RYR2: variants seen among roughly 807,000 people sequenced by gnomAD.
RYR2 encodes the protein cardiac muscle ryanodine receptor-calcium release channel.
A neutral mutation model predicts 601.1 loss-of-function variants in RYR2; 227 were observed. The observed-to-expected ratio is 0.38, with a 90% CI of 0.34 to 0.42. RYR2 has a LOEUF of 0.42. Among genes scored for constraint, RYR2 ranks in the 10% least tolerant of loss-of-function variants. The pLI is 1.00. For missense variants in RYR2, 4,646 were observed against 6,156.5 expected, an observed-to-expected ratio of 0.75 and a Z score of 8.21; for synonymous variants, 2,223 against 2,175.1, an observed-to-expected ratio of 1.02 and a Z score of -0.61.
At chr1:237,772,555 A>T (rs953721359) in intron 86 of RYR2, among the ~76,000 whole-genome samples, 2 of 152,102 alleles carry the variant, frequency 1.3e-5, no homozygotes, top group Non-Finnish European at 2.9e-5. Context: ...TTTTCACACC[A>T]CATTGCTTAA....
intron 17 of RYR2, among the ~76,000 whole-genome samples, chr1:237,474,230 C>T (rs1289137766): frequency 1.4e-5 from 1 of 69,146 alleles, no homozygotes; most frequent in Admixed American, 1.7e-4. Context: ...TAGATCTATA[C>T]ATATATATGT....
At chr1:237,148,302 A>G (rs375477719) in intron 1 of RYR2, among the ~76,000 whole-genome samples, 55 of 152,048 alleles carry the variant, frequency 3.6e-4, no homozygotes, top group African/African-American at 1.3e-3. Flanking sequence ...GGAGTTGAAC[A>G]ATGAGAACAC....
At chr1:237,696,909 C>T (rs1017295046) in intron 63 of RYR2, among the ~76,000 whole-genome samples, 2 of 152,128 alleles carry the variant, frequency 1.3e-5, no homozygotes, top group Non-Finnish European at 2.9e-5. Context: ...TAATTATCTT[C>T]CACTTTTGCT....
chr1:237,042,340 G>C lies in RYR2; in HGVS notation c.-182G>C. On this transcript the variant is annotated 5_prime_UTR_variant, in exon 1 of 105. Transcript: ENST00000366574. ...CCCCGCGCCTCGACCACCCGCGCCC[G>C]AGCGTCCGCGCCTCCTCCTCCGCTC... 2.5e-6 allele frequency: 1 copy of C among 407,172 alleles called. No homozygotes were observed. Among genetic ancestry groups the C allele is most frequent in the East Asian group, 6.2e-5 (1 of 16,168 alleles). The allele number at this position is 407,172 out of a possible 1,614,324, so 25.2% of individuals were successfully genotyped here.
At chr1:237,356,058 A>G in intron 4 of RYR2, 73 bp downstream of exon 4, 2 of 1,394,156 alleles carry the variant, frequency 1.4e-6, no homozygotes, top group South Asian at 1.2e-5. Flanking sequence ...CTAATCTTTC[A>G]TTTTGCTTCC....
At chr1:237,377,237 A>T in intron 7 of RYR2, 86 bp from the exon 8 acceptor site, 1 of 874,098 alleles carries the variant, frequency 1.1e-6, no homozygotes, top group Non-Finnish European at 1.7e-6. Context: ...GATTTCTGAA[A>T]GTTGTGTGTT....
chr1:237,153,652 C>CT (rs111780275), intron 1 of RYR2, among the ~76,000 whole-genome samples: 15,955 of 118,400 alleles, frequency 0.13, 922 homozygotes, highest in South Asian at 0.17. Flanking sequence ...ATCAATAAAT[C>CT]TTTTTTTTTT....
rs1223958670 is a variant in RYR2 at position 237,180,979 on chromosome 1, AT to A, written c.49-89516del. ...TTTATCCAATATGCTAAGCACTTTT[AT>A]TATTTATTTGTTTATTTTTTTAAGA... On this transcript the variant is annotated intron_variant, in intron 1 of 104. Coordinates refer to ENST00000366574, the MANE Select transcript of RYR2 (RefSeq NM_001035.3). The surrounding 1 kb of genome is among the most constrained non-coding windows in gnomAD (Gnocchi z 5.3). 6.6e-6 allele frequency among the ~76,000 whole-genome samples: 1 copy of A among 151,588 alleles called. No individual in the cohort carries two copies. Among genetic ancestry groups the A allele is most frequent in the East Asian group, 1.9e-4 (1 of 5,186 alleles).
At chr1:237,232,775 G>T (rs1558468587) in intron 1 of RYR2, among the ~76,000 whole-genome samples, 1 of 152,146 alleles carries the variant, frequency 6.6e-6, no homozygotes, top group East Asian at 1.9e-4. Context: ...TGAATAGGAG[G>T]ACAACCAGCT....
At chr1:237,638,970 C>G (rs753468447) in intron 45 of RYR2, 45 bp from the exon 46 acceptor site, 1 of 1,591,626 alleles carries the variant, frequency 6.3e-7, no homozygotes. Context: ...TTCAGAACTT[C>G]CATATAATCA....
chr1:237,715,300 G>A (rs1203420336), intron 71 of RYR2, among the ~76,000 whole-genome samples: 2 of 152,136 alleles, frequency 1.3e-5, no homozygotes, highest in African/African-American at 2.4e-5. Flanking sequence ...GAGGAAATAG[G>A]CACTAAACAA....
chr1:237,205,469 A>G (rs929554465), intron 1 of RYR2, among the ~76,000 whole-genome samples: 3 of 152,160 alleles, frequency 2.0e-5, no homozygotes, highest in African/African-American at 4.8e-5. Flanking sequence ...CCGAGCCTGC[A>G]GTGCCATGGT....
chr1:237,276,260 T>C (rs1690277142), intron 2 of RYR2, among the ~76,000 whole-genome samples: 1 of 152,088 alleles, frequency 6.6e-6, no homozygotes, highest in African/African-American at 2.4e-5. Context: ...CCACCATGCC[T>C]GGCTAATTTT....
At chr1:237,616,327 C>A (rs542989536) in intron 37 of RYR2, among the ~76,000 whole-genome samples, 1 of 152,120 alleles carries the variant, frequency 6.6e-6, no homozygotes, top group African/African-American at 2.4e-5. Context: ...ATGTTTCTAC[C>A]AACATACTCA....
At position 237,833,487 on chromosome 1, in the gene RYR2, C is replaced by T. The variant is rs1376198751; in HGVS notation, c.*840C>T. On this transcript the variant is annotated 3_prime_UTR_variant, in exon 105 of 105. Transcript: ENST00000366574. Reference sequence around the variant, plus strand: ...AAATACACTTTCAAAAGAAACCATTCATTGCATGTTTATTATGCAAGTTTA... The same window carrying T: ...AAATACACTTTCAAAAGAAACCATTTATTGCATGTTTATTATGCAAGTTTA... 1 of 152,156 alleles carries T rather than the reference C, an allele frequency of 6.6e-6. No individual in the cohort carries two copies. The highest frequency in any genetic ancestry group is 2.1e-4 in the South Asian group (1 of 4,810). 9.4% of individuals were successfully genotyped at this position (152,156 alleles called of 1,614,324 possible). A position where few individuals can be genotyped will look rare whatever the true frequency, so the allele number is the denominator to read the frequency against.
At chr1:237,739,433 G>A (rs1691423233) in intron 79 of RYR2, among the ~76,000 whole-genome samples, 1 of 152,120 alleles carries the variant, frequency 6.6e-6, no homozygotes, top group South Asian at 2.1e-4. Flanking sequence ...ATTTGAAGCT[G>A]CTTCACCCCA....
In RYR2 at chr1:237,573,146, A is replaced by G. The variant is rs555433237; in HGVS notation, c.3598+3827A>G. Among the ~76,000 whole-genome samples, 70 of 152,170 alleles carry G rather than the reference A, an allele frequency of 4.6e-4. 1 individual carries two copies. In the South Asian group the frequency reaches 0.014, roughly 31 times the overall value. Reference sequence around the variant, plus strand: ...ATAATCTCTTCTTATTGCTACAGAGAAAGCTCAGTCATTTATACACTGACT... The same window carrying G: ...ATAATCTCTTCTTATTGCTACAGAGGAAGCTCAGTCATTTATACACTGACT... On this transcript the variant is annotated intron_variant, in intron 29 of 104. Transcript: ENST00000366574.
intron 2 of RYR2, among the ~76,000 whole-genome samples, chr1:237,317,479 G>T (rs1441824457): frequency 6.6e-6 from 1 of 152,038 alleles, no homozygotes; most frequent in Non-Finnish European, 1.5e-5. Flanking sequence ...CTAATTCCAT[G>T]TTTCAGATGT....
At chr1:237,177,776 C>T (rs1451988845) in intron 1 of RYR2, among the ~76,000 whole-genome samples, 1 of 152,064 alleles carries the variant, frequency 6.6e-6, no homozygotes, top group Non-Finnish European at 1.5e-5. Flanking sequence ...TGTACATGTA[C>T]AAGAATTTCT....
Sources: gnomAD v4.1 joint callset for allele counts (sites outside exome capture counted in the v4.1 genomes callset) on GRCh38, gnomAD v4.1.1 for gene constraint, Gnocchi (gnomAD v3.1) non-coding constraint, MANE v1.5 for transcripts, NCBI Gene and HGNC (gene_info 2026-07-23, HGNC 2026-07-21) for gene names.